The following CIMAP3 variants were observed in gnomAD, a reference collection of about 807,000 sequenced individuals.
The protein encoded by CIMAP3 is ciliary microtubule associated protein 3.
chr1:111,326,262 A>G, the CIMAP3 span, among the ~76,000 whole-genome samples: 2 of 152,110 alleles, frequency 1.3e-5, no homozygotes, highest in Non-Finnish European at 2.9e-5. Context: ...ATCTAAGTGT[A>G]TGTTTGTACC....
chr1:111,330,469 G>A, the CIMAP3 span, among the ~76,000 whole-genome samples: 1 of 152,212 alleles, frequency 6.6e-6, no homozygotes. Context: ...TATTTTTGGT[G>A]TTGAAGCTTT....
At chr1:111,343,703 T>C in the CIMAP3 span, among the ~76,000 whole-genome samples, 5 of 152,360 alleles carry the variant, frequency 3.3e-5, no homozygotes, top group East Asian at 9.6e-4. Flanking sequence ...TCTTTGACTA[T>C]ACGATGTTCG....
the CIMAP3 span, among the ~76,000 whole-genome samples, chr1:111,342,957 G>C: frequency 6.6e-6 from 1 of 152,092 alleles, no homozygotes; most frequent in East Asian, 1.9e-4. Context: ...GATAATCCCA[G>C]TGCTGTATAT....
the CIMAP3 span, chr1:111,346,390 G>T: frequency 4.5e-6 from 2 of 443,928 alleles, no homozygotes; most frequent in African/African-American, 2.0e-5. Flanking sequence ...GCTATTTGCC[G>T]CCCCGTCAAC....
the CIMAP3 span, chr1:111,349,999 G>A: frequency 2.7e-6 from 2 of 742,994 alleles, no homozygotes; most frequent in Non-Finnish European, 4.5e-6. Flanking sequence ...TCAATCTGTT[G>A]CCTTTTTCCA....
At chr1:111,334,988 C>T in the CIMAP3 span, among the ~76,000 whole-genome samples, 1,203 of 151,848 alleles carry the variant, frequency 7.9e-3, 15 homozygotes, top group African/African-American at 0.027. Context: ...ATTAGCTGGG[C>T]GTGGTGGTGC....
the CIMAP3 span, among the ~76,000 whole-genome samples, chr1:111,341,662 T>C: frequency 6.6e-6 from 1 of 152,232 alleles, no homozygotes; most frequent in Non-Finnish European, 1.5e-5. Flanking sequence ...CATATATCAG[T>C]AGTTAATACT....
At chr1:111,340,274 A>G in the CIMAP3 span, among the ~76,000 whole-genome samples, 1 of 151,560 alleles carries the variant, frequency 6.6e-6, no homozygotes, top group Non-Finnish European at 1.5e-5. Flanking sequence ...CCTAGGCATT[A>G]CCATTCAGGA....
At chr1:111,346,693 C>T in the CIMAP3 span, 1 of 1,611,502 alleles carries the variant, frequency 6.2e-7, no homozygotes, top group African/African-American at 1.3e-5. Flanking sequence ...TGCCGAGAAG[C>T]CTAGAGTAGA....
chr1:111,337,780 A>G, the CIMAP3 span, among the ~76,000 whole-genome samples: 1 of 152,210 alleles, frequency 6.6e-6, no homozygotes, highest in Admixed American at 6.5e-5. Context: ...AGCATTAGAC[A>G]GATCAATGAG....
the CIMAP3 span, chr1:111,346,619 C>T: frequency 6.2e-7 from 1 of 1,613,954 alleles, no homozygotes; most frequent in Non-Finnish European, 8.5e-7. Flanking sequence ...TCCTTGGCAA[C>T]GCAGTACACA....
the CIMAP3 span, chr1:111,347,620 T>C: frequency 1.8e-6 from 2 of 1,091,634 alleles, no homozygotes; most frequent in Non-Finnish European, 2.7e-6. Context: ...TGTTTTTTCT[T>C]TCTTTTTTTT....
At chr1:111,335,588 C>T in the CIMAP3 span, among the ~76,000 whole-genome samples, 8 of 152,252 alleles carry the variant, frequency 5.3e-5, no homozygotes, top group Admixed American at 1.3e-4. Context: ...CACGGAATCT[C>T]GCTGATTGCT....
At chr1:111,338,725 C>T in the CIMAP3 span, among the ~76,000 whole-genome samples, 1 of 152,008 alleles carries the variant, frequency 6.6e-6, no homozygotes, top group Non-Finnish European at 1.5e-5. Flanking sequence ...GCTTACCAAC[C>T]AAAAAGAGTC....
the CIMAP3 span, among the ~76,000 whole-genome samples, chr1:111,345,210 A>G: frequency 6.6e-6 from 1 of 152,218 alleles, no homozygotes; most frequent in African/African-American, 2.4e-5. Context: ...TTTATTTACT[A>G]TCAGTATTAT....
the CIMAP3 span, among the ~76,000 whole-genome samples, chr1:111,336,691 A>G: frequency 1.3e-5 from 2 of 152,240 alleles, no homozygotes; most frequent in African/African-American, 2.4e-5. Context: ...GAAATATGGG[A>G]CTATGTGAAA....
At chr1:111,333,473 T>G in the CIMAP3 span, among the ~76,000 whole-genome samples, 1 of 152,286 alleles carries the variant, frequency 6.6e-6, no homozygotes, top group Non-Finnish European at 1.5e-5. Flanking sequence ...GCTCCTAATC[T>G]GGGGCAATGC....
chr1:111,351,416 G>A, the CIMAP3 span: 2 of 1,187,178 alleles, frequency 1.7e-6, no homozygotes, highest in Non-Finnish European at 2.3e-6. Context: ...ACGTTACTGT[G>A]GCCCTCTTGT....
the CIMAP3 span, among the ~76,000 whole-genome samples, chr1:111,328,385 T>A: frequency 1.3e-5 from 2 of 152,226 alleles, no homozygotes; most frequent in Non-Finnish European, 2.9e-5. Flanking sequence ...AATGTTGAGT[T>A]TAGGTCCTGA....
Sources: gnomAD v4.1 joint callset for allele counts (sites outside exome capture counted in the v4.1 genomes callset) on GRCh38, gnomAD v4.1.1 for gene constraint, MANE v1.5 for transcripts, NCBI Gene and HGNC (gene_info 2026-07-23, HGNC 2026-07-21) for gene names.